The following PBX1 variants were observed in gnomAD, a reference collection of about 807,000 sequenced individuals.
PBX1 encodes the protein PBX homeobox 1, also known as pre-B-cell leukemia transcription factor 1.
PBX1 carries 6 observed loss-of-function variants against 53.4 expected under a neutral mutation model. The ratio of observed to expected loss-of-function variants is 0.11; its 90% confidence interval spans 0.06 to 0.22. The LOEUF is 0.22. Ranked by LOEUF, PBX1 falls within the 10% of genes least tolerant of loss-of-function variation. The pLI is 1.00. For synonymous variants in PBX1, 204 were observed against 212.3 expected (o/e 0.96, Z 0.34); for missense variants, 251 against 551.4 (o/e 0.46, Z 5.46).
chr1:164,753,646 G>A (rs1227526027), intron 2 of PBX1, among the ~76,000 whole-genome samples: 1 of 152,204 alleles, frequency 6.6e-6, no homozygotes, highest in East Asian at 1.9e-4. Flanking sequence ...CCCTTGCGTG[G>A]TTTTGACCTT....
At chr1:164,755,142 A>G (rs915916106) in intron 2 of PBX1, among the ~76,000 whole-genome samples, 11 of 152,196 alleles carry the variant, frequency 7.2e-5, no homozygotes, top group African/African-American at 2.4e-4. Context: ...TGATCTAGGA[A>G]GAATCTAGGC....
At chr1:164,574,290 G>A (rs1347832479) in intron 2 of PBX1, among the ~76,000 whole-genome samples, 7 of 152,188 alleles carry the variant, frequency 4.6e-5, no homozygotes, top group African/African-American at 9.7e-5. Flanking sequence ...AGCACTCCAT[G>A]GTATGACAGG....
chr1:164,848,893 G>A lies in PBX1; in HGVS notation c.*2217G>A, dbSNP rs867140698. On this transcript the variant is annotated 3_prime_UTR_variant, in exon 9 of 9. Transcript: ENST00000420696. ...AACTCAAGGGAATGTGTATTTGAAG[G>A]AAATGCAAAAACTAAGTATTTAGCA... is the stretch of plus-strand genomic sequence containing the variant. 1 of 1,068,400 alleles carries A rather than the reference G, an allele frequency of 9.4e-7. No individual in the cohort carries two copies. Among genetic ancestry groups the A allele is most frequent in the Non-Finnish European group, 1.1e-6 (1 of 881,384 alleles). 66.2% of individuals were successfully genotyped at this position (1,068,400 alleles called of 1,614,324 possible).
At chr1:164,732,598 A>G (rs772469105) in intron 2 of PBX1, among the ~76,000 whole-genome samples, 3 of 152,032 alleles carry the variant, frequency 2.0e-5, no homozygotes, top group African/African-American at 2.4e-5. Flanking sequence ...ATTACTTTTA[A>G]TGGCAAAGAC....
chr1:164,578,999 C>T (rs962987641), intron 2 of PBX1, among the ~76,000 whole-genome samples: 1 of 144,636 alleles, frequency 6.9e-6, no homozygotes, highest in Non-Finnish European at 1.5e-5. Context: ...TGACCTGAGA[C>T]CACTTGGCAT....
intron 4 of PBX1, among the ~76,000 whole-genome samples, chr1:164,804,564 C>G (rs952318240): frequency 6.6e-6 from 1 of 152,218 alleles, no homozygotes; most frequent in East Asian, 1.9e-4. Context: ...AGATATAGAA[C>G]ATTTCACTCA....
At chr1:164,862,338 C>A (rs1267639844) in intron 2 of PBX1, among the ~76,000 whole-genome samples, 1 of 152,198 alleles carries the variant, frequency 6.6e-6, no homozygotes, top group Non-Finnish European at 1.5e-5. Context: ...CCACTCATTC[C>A]TGAGTTCCCA....
chr1:164,703,550 T>C (rs148863449), intron 2 of PBX1, among the ~76,000 whole-genome samples: 1 of 152,160 alleles, frequency 6.6e-6, no homozygotes, highest in Non-Finnish European at 1.5e-5. Context: ...TCCCTGCTCA[T>C]TACCACGAGC....
At chr1:164,653,828 C>A (rs1659984983) in intron 2 of PBX1, among the ~76,000 whole-genome samples, 1 of 152,116 alleles carries the variant, frequency 6.6e-6, no homozygotes, top group South Asian at 2.1e-4. Context: ...GGCCCACAAA[C>A]CCATACTTTA....
At chr1:164,660,588 G>A (rs972689508) in intron 2 of PBX1, among the ~76,000 whole-genome samples, 1 of 152,168 alleles carries the variant, frequency 6.6e-6, no homozygotes, top group Non-Finnish European at 1.5e-5. Flanking sequence ...CATCAGCAGA[G>A]GGAGAAGGAA....
chr1:164,758,352 G>C (rs1046432271), intron 2 of PBX1, among the ~76,000 whole-genome samples: 1 of 152,086 alleles, frequency 6.6e-6, no homozygotes, highest in African/African-American at 2.4e-5. Flanking sequence ...AATCCCACTC[G>C]AGTGACTGCA....
intron 2 of PBX1, chr1:164,684,190 C>T (rs1661959875): frequency 6.6e-6 from 1 of 152,138 alleles, no homozygotes; most frequent in Non-Finnish European, 1.5e-5. Context: ...TTTAAAGCAG[C>T]CTTATGAATA....
At chr1:164,811,765 A>G (rs984391735) in intron 5 of PBX1, among the ~76,000 whole-genome samples, 5 of 152,220 alleles carry the variant, frequency 3.3e-5, no homozygotes, top group Non-Finnish European at 5.9e-5. Flanking sequence ...TTTTTGTCAC[A>G]GTGGTTTCGC....
At chr1:164,578,889 C>T (rs1325474125) in intron 2 of PBX1, among the ~76,000 whole-genome samples, 1 of 152,158 alleles carries the variant, frequency 6.6e-6, no homozygotes, top group Non-Finnish European at 1.5e-5. Context: ...TTCCTTTCTG[C>T]CTTTCCCCTT....
chr1:164,722,338 A>C (rs1363261369), intron 2 of PBX1, among the ~76,000 whole-genome samples: 1 of 152,150 alleles, frequency 6.6e-6, no homozygotes, highest in Non-Finnish European at 1.5e-5. Flanking sequence ...CCTGCTGATT[A>C]CTTAGTGGAG....
At chr1:164,604,443 C>A (rs113065153) in intron 2 of PBX1, among the ~76,000 whole-genome samples, 1 of 152,174 alleles carries the variant, frequency 6.6e-6, no homozygotes, top group Non-Finnish European at 1.5e-5. Context: ...TTCATTTGTG[C>A]ATTCAGCAGT....
chr1:164,865,498 C>T (rs1254124531), intron 2 of PBX1, among the ~76,000 whole-genome samples: 1 of 152,160 alleles, frequency 6.6e-6, no homozygotes, highest in Non-Finnish European at 1.5e-5. Flanking sequence ...GGAAAAGTTA[C>T]GTCTTCATGT....
At chr1:164,695,165 A>G (rs963516352) in intron 2 of PBX1, among the ~76,000 whole-genome samples, 4 of 152,350 alleles carry the variant, frequency 2.6e-5, no homozygotes, top group Non-Finnish European at 4.4e-5. Context: ...GCTAAGTCAA[A>G]TTATCACCAT....
At position 164,862,063 on chromosome 1, in the gene PBX1, A is replaced by G. The variant is rs114276814; in HGVS notation, n.257+30580A>G. The stretch of plus-strand genomic sequence containing the variant: ...GTTTGGGATAGAGGAGTAGCATTAT[A>G]TGACTTAAGTTTTAACGTGTGACTC... On this transcript the variant is annotated intron_variant and non_coding_transcript_variant, in intron 2 of 2. Coordinates refer to the PBX1 transcript ENST00000558796. 7.3e-3 allele frequency among the ~76,000 whole-genome samples: 1,118 copies of G among 152,256 alleles called. 10 individuals are homozygous for G. The highest frequency in any genetic ancestry group is 0.026 in the African/African-American group (1,080 of 41,536).
Sources: allele counts gnomAD v4.1 joint callset (sites outside exome capture counted in the v4.1 genomes callset), GRCh38; gene constraint gnomAD v4.1.1; transcripts MANE v1.5; gene names NCBI Gene and HGNC (gene_info 2026-07-23, HGNC 2026-07-21).